KCNIP4: variants seen among roughly 807,000 people sequenced by gnomAD.
The protein encoded by KCNIP4 is Kv channel-interacting protein 4.
Under a neutral mutation model 34.0 loss-of-function variants are expected in KCNIP4, and 12 were observed. The observed-to-expected ratio is 0.35, with a 90% confidence interval of 0.23 to 0.57. The LOEUF (loss-of-function observed/expected upper bound fraction) is 0.57, where lower values mean the gene tolerates loss of function less well. Among genes scored for constraint, KCNIP4 ranks in the 20% least tolerant of loss-of-function variants. The pLI, the probability that KCNIP4 is intolerant of heterozygous loss-of-function variation, is 0.83. For synonymous variants in KCNIP4, 124 were observed against 102.2 expected, an observed-to-expected ratio of 1.21 and a Z score of -1.29; for missense variants, 238 against 311.7, an observed-to-expected ratio of 0.76 and a Z score of 1.78.
intron 3 of KCNIP4, among the ~76,000 whole-genome samples, chr4:20,839,534 A>T (rs1719477679): frequency 6.7e-6 from 1 of 149,722 alleles, no homozygotes. Flanking sequence ...TCAAAAGCAA[A>T]TTTATATATA....
chr4:21,499,201 T>G (rs1374366870), intron 1 of KCNIP4, among the ~76,000 whole-genome samples: 1 of 151,780 alleles, frequency 6.6e-6, no homozygotes, highest in Admixed American at 6.6e-5. Flanking sequence ...CGTGGTGGCA[T>G]GCGCCTGTAA....
chr4:21,117,795 C>A (rs1454576396), intron 1 of KCNIP4, among the ~76,000 whole-genome samples: 1 of 152,088 alleles, frequency 6.6e-6, no homozygotes, highest in African/African-American at 2.4e-5. Context: ...TGTTTTGCCT[C>A]TACTGGGGAG....
At chr4:20,910,349 T>C (rs1191784218) in intron 1 of KCNIP4, among the ~76,000 whole-genome samples, 6 of 151,990 alleles carry the variant, frequency 3.9e-5, no homozygotes, top group Non-Finnish European at 5.9e-5. Flanking sequence ...ATGTACACCT[T>C]TGTCAACAGT....
chr4:21,008,038 C>T (rs1441282034), intron 1 of KCNIP4, among the ~76,000 whole-genome samples: 2 of 152,132 alleles, frequency 1.3e-5, no homozygotes, highest in Non-Finnish European at 2.9e-5. Context: ...TGATTAAAAA[C>T]CTGGTTAAGC....
chr4:20,742,182 T>C (rs1278582095), intron 5 of KCNIP4, among the ~76,000 whole-genome samples: 3 of 152,038 alleles, frequency 2.0e-5, no homozygotes, highest in African/African-American at 7.2e-5. Context: ...AATATTCCAA[T>C]CAACAGAAAA....
At chr4:20,900,055 T>A (rs577690839) in intron 1 of KCNIP4, among the ~76,000 whole-genome samples, 183 of 152,300 alleles carry the variant, frequency 1.2e-3, no homozygotes, top group African/African-American at 4.0e-3. Flanking sequence ...GTGAACTTGT[T>A]AGGCATAAAA....
chr4:21,386,592 A>C (rs1432341384), intron 1 of KCNIP4, among the ~76,000 whole-genome samples: 2 of 152,202 alleles, frequency 1.3e-5, no homozygotes, highest in Non-Finnish European at 2.9e-5. Flanking sequence ...TGTGTTTGGC[A>C]ACACCAAGGC....
chr4:21,519,768 T>C (rs1212255000), intron 1 of KCNIP4, among the ~76,000 whole-genome samples: 1 of 142,566 alleles, frequency 7.0e-6, no homozygotes, highest in Non-Finnish European at 1.5e-5. Context: ...TGTATGTGTG[T>C]ATACACACGT....
intron 1 of KCNIP4, among the ~76,000 whole-genome samples, chr4:21,443,000 T>C (rs1345964242): frequency 6.6e-6 from 1 of 152,228 alleles, no homozygotes; most frequent in Non-Finnish European, 1.5e-5. Flanking sequence ...TGTTTCCACA[T>C]TGCTTAGGCC....
chr4:20,874,308 A>C (rs79488205), intron 2 of KCNIP4, among the ~76,000 whole-genome samples: 13,220 of 152,170 alleles, frequency 0.087, 640 homozygotes, highest in South Asian at 0.23. Context: ...TAACTCTAGT[A>C]TCTCTCTAGT....
rs372207851 is a variant in KCNIP4, at chr4:21,653,878, T to C, written c.61+294693A>G. Among the ~76,000 whole-genome samples, 9 of 152,338 alleles carry C rather than the reference T, an allele frequency of 5.9e-5. No individual in the cohort carries two copies. In the East Asian group the frequency reaches 1.7e-3, roughly 29 times the overall value. ...ACTGAATTTTTGTGCTTGATGCTGT[T>C]ATTTTTATTTTTTGCTCCACTTATT... On this transcript the variant is annotated intron_variant, in intron 1 of 8. Transcript: ENST00000382152.
intron 1 of KCNIP4, among the ~76,000 whole-genome samples, chr4:21,194,031 G>A (rs941134639): frequency 3.3e-5 from 5 of 152,110 alleles, no homozygotes; most frequent in East Asian, 1.9e-4. Context: ...CCTAGAACAC[G>A]TGGAAGCACA....
intron 3 of KCNIP4, among the ~76,000 whole-genome samples, chr4:20,810,662 T>G (rs1386186766): frequency 6.6e-6 from 1 of 152,164 alleles, no homozygotes; most frequent in Non-Finnish European, 1.5e-5. Flanking sequence ...ATATACATGG[T>G]CACCAAGATG....
chr4:20,825,496 C>T (rs1717648057), intron 3 of KCNIP4, among the ~76,000 whole-genome samples: 1 of 152,072 alleles, frequency 6.6e-6, no homozygotes, highest in African/African-American at 2.4e-5. Context: ...CATTTCTAGG[C>T]TGTGTAACCA....
chr4:21,025,699 A>G (rs111255534), intron 1 of KCNIP4, among the ~76,000 whole-genome samples: 29,402 of 150,896 alleles, frequency 0.19, 3,364 homozygotes, highest in Non-Finnish European at 0.27. Context: ...GACTACAGGC[A>G]CCCACCACCA....
intron 1 of KCNIP4, among the ~76,000 whole-genome samples, chr4:21,931,952 G>A (rs1457139192): frequency 6.6e-6 from 1 of 151,968 alleles, no homozygotes; most frequent in Non-Finnish European, 1.5e-5. Context: ...GATGCCTGTA[G>A]GACCCCTTCC....
At chr4:20,862,282 C>G (rs1222970431) in intron 2 of KCNIP4, among the ~76,000 whole-genome samples, 2 of 152,038 alleles carry the variant, frequency 1.3e-5, no homozygotes, top group Non-Finnish European at 2.9e-5. Context: ...AGCCACTGCA[C>G]CTGGATGAGT....
At chr4:21,714,868 T>C (rs1368494129) in intron 1 of KCNIP4, among the ~76,000 whole-genome samples, 4 of 180 alleles carry the variant, frequency 0.022, no homozygotes, top group East Asian at 0.5. Context: ...TATTTTATTT[T>C]ATTTTATTTT....
At chr4:20,997,414 G>A (rs1447640351) in intron 1 of KCNIP4, among the ~76,000 whole-genome samples, 3 of 152,180 alleles carry the variant, frequency 2.0e-5, no homozygotes, top group Non-Finnish European at 4.4e-5. Flanking sequence ...CTGAGGACAG[G>A]AGGTATCAAA....
Sources: allele counts gnomAD v4.1 joint callset (sites outside exome capture counted in the v4.1 genomes callset), GRCh38; gene constraint gnomAD v4.1.1; transcripts MANE v1.5; gene names NCBI Gene and HGNC (gene_info 2026-07-23, HGNC 2026-07-21).